The following GGA3 variants were observed in gnomAD, a reference collection of about 807,000 sequenced individuals.
GGA3 encodes ADP-ribosylation factor-binding protein GGA3.
GGA3 carries 57 observed loss-of-function variants against 77.5 expected under a neutral mutation model. The ratio of observed to expected loss-of-function variants is 0.74; its 90% confidence interval spans 0.59 to 0.92. The LOEUF (loss-of-function observed/expected upper bound fraction) is 0.92. Ranked by LOEUF, GGA3 falls within the 40% of genes least tolerant of loss-of-function variation. The probability of loss-of-function intolerance (pLI) is 0.00; values close to 1 mark genes in which losing one functional copy is unlikely to be tolerated. For missense variants in GGA3, 970 were observed against 914.9 expected (o/e 1.06, Z -0.78); for synonymous variants, 416 against 383.7 (o/e 1.08, Z -0.98).
chr17:75,246,574 C>T lies in GGA3; in HGVS notation c.136G>A (p.Ala46Thr), dbSNP rs202128078. The T allele has an allele frequency of 3.7e-6, 6 of 1,613,702 alleles. No individual in the cohort carries two copies. The highest frequency in any genetic ancestry group is 4.5e-5 in the East Asian group (2 of 44,876). Residue 46 changes from alanine (A) to threonine (T), a missense_variant, in exon 3 of 17, where the codon GCC becomes ACC. Transcript: ENST00000537686. ...INKELEGPQI[A>T]VRLLAHKIQS... The stretch of plus-strand genomic sequence containing the variant: ...ATCTTGTGGGCCAGCAGTCGGACGG[C>T]GATCTGTGGCCTGGGGGACAAGCAG...
intron 3 of GGA3, 117 bp from the exon 4 acceptor site, chr17:75,244,834 T>G: frequency 1.4e-6 from 1 of 715,440 alleles, no homozygotes. Flanking sequence ...AGGAAGGAGC[T>G]CATCACGAAA....
At position 75,237,136 on chromosome 17, in the gene GGA3, A is replaced by T; in HGVS notation, c.*1143T>A. 2.7e-6 allele frequency: 1 copy of T among 366,370 alleles called. No individual in the cohort carries two copies. Among genetic ancestry groups the T allele is most frequent in the Non-Finnish European group, 5.0e-6 (1 of 199,580 alleles). 22.7% of individuals were successfully genotyped at this position (366,370 alleles called of 1,614,324 possible). A position where few individuals can be genotyped will look rare whatever the true frequency, so the allele number is the denominator to read the frequency against. Reference sequence around the variant, plus strand: ...TCCCAGGATCACATCCAGCAGCTAGAGTGGCTGGGACAAGCTGGCGGGGGC... The same window carrying T: ...TCCCAGGATCACATCCAGCAGCTAGTGTGGCTGGGACAAGCTGGCGGGGGC... On this transcript the variant is annotated 3_prime_UTR_variant, in exon 17 of 17. Coordinates refer to ENST00000537686, the MANE Select transcript of GGA3 (RefSeq NM_138619.4).
chr17:75,258,873 G>A (rs2077245955), intron 1 of GGA3, among the ~76,000 whole-genome samples: 1 of 150,270 alleles, frequency 6.7e-6, no homozygotes, highest in South Asian at 2.1e-4. Context: ...AGCTCAAATG[G>A]AGTATCCTCA....
At chr17:75,240,465 T>C in intron 11 of GGA3, 53 bp from the exon 12 acceptor site, 1 of 1,212,972 alleles carries the variant, frequency 8.2e-7, no homozygotes, top group Non-Finnish European at 1.2e-6. Flanking sequence ...TAGGCAGCCC[T>C]AGCCCCGCCT....
intron 16 of GGA3, 54 bp from the exon 17 acceptor site, chr17:75,238,443 G>A (rs1021411141): frequency 1.2e-5 from 17 of 1,459,750 alleles, no homozygotes; most frequent in African/African-American, 9.7e-5. Flanking sequence ...TTGGCAGGAC[G>A]CCCTCTATTC....
intron 1 of GGA3, among the ~76,000 whole-genome samples, chr17:75,247,104 C>G (rs1478922810): frequency 6.6e-6 from 1 of 151,816 alleles, no homozygotes; most frequent in Non-Finnish European, 1.5e-5. Flanking sequence ...AAAATATTCC[C>G]AAAAAAATGC....
intron 1 of GGA3, among the ~76,000 whole-genome samples, chr17:75,252,393 T>G (rs1186032253): frequency 2.6e-5 from 4 of 152,156 alleles, no homozygotes; most frequent in Non-Finnish European, 5.9e-5. Flanking sequence ...TGTGGTCTAT[T>G]AAGTCACTAT....
intron 1 of GGA3, among the ~76,000 whole-genome samples, chr17:75,252,065 G>A (rs540176680): frequency 2.7e-4 from 39 of 146,060 alleles, no homozygotes; most frequent in Non-Finnish European, 4.4e-4. Context: ...AGTGCCTGGC[G>A]TCTTTCGTTT....
chr17:75,261,978 T>C (rs1314173730), upstream of GGA3: 3 of 1,591,738 alleles, frequency 1.9e-6, no homozygotes, highest in Non-Finnish European at 2.6e-6. Context: ...TCTTGCAGCT[T>C]CCAGGGTGAG....
Position 75,240,003 on chromosome 17 carries a change from A to G in GGA3, c.1369T>C (p.Ser457Pro), listed in dbSNP as rs1436911142. 8 of 1,553,818 alleles carry G rather than the reference A, an allele frequency of 5.1e-6. No individual in the cohort carries two copies. The highest frequency in any genetic ancestry group is 7.0e-6 in the Non-Finnish European group (8 of 1,149,284). Reference protein sequence around the residue: ...LQPSAPSSSSSQAPLPPPFPA... With the variant: ...LQPSAPSSSSPQAPLPPPFPA... ...AAGGGAGGCGGCAGTGGAGCTTGGG[A>G]GCTGCTTGAGGAGGGGGCTGAGGGC... is the stretch of plus-strand genomic sequence containing the variant. Residue 457 changes from serine to proline, a missense_variant, in exon 13 of 17, where the codon TCC becomes CCC. By Grantham distance (74) the Ser-to-Pro change is moderately conservative. Transcript: ENST00000537686.
rs543385178 is a variant in GGA3, at chr17:75,238,207, C to G, written c.*72G>C. On this transcript the variant is annotated 3_prime_UTR_variant, in exon 17 of 17. Coordinates refer to ENST00000537686, the MANE Select transcript of GGA3 (RefSeq NM_138619.4). ...ACTGTTGTCAGGGCATGGAGAGTGA[C>G]GGGACCAGAGCCCTCCTCGTCTCAG... The G allele has an allele frequency of 6.4e-7, 1 of 1,569,858 alleles. No homozygotes were observed. Among genetic ancestry groups the G allele is most frequent in the Non-Finnish European group, 8.7e-7 (1 of 1,156,054 alleles).
intron 12 of GGA3, 46 bp from the exon 13 acceptor site, chr17:75,240,154 G>GGGGGGGGC: frequency 6.4e-6 from 3 of 465,478 alleles, no homozygotes; most frequent in Non-Finnish European, 8.4e-6. Context: ...GGTGGGGAGG[G>GGGGGGGGC]CCTGCCGCTG....
intron 1 of GGA3, among the ~76,000 whole-genome samples, chr17:75,247,620 A>G (rs1025037397): frequency 1.3e-5 from 2 of 152,166 alleles, no homozygotes; most frequent in African/African-American, 4.8e-5. Context: ...ATAATGCTTT[A>G]AGTGTTTTTG....
At position 75,238,774 on chromosome 17, in the gene GGA3, G is replaced by C. The variant is rs377429198; in HGVS notation, c.1951-12C>G. ...TTCACTTTCATTGACTAAAGAGAGA[G>C]AAACTCCTTTGAAGAGAACTGGTAG... On this transcript the variant is annotated splice_polypyrimidine_tract_variant and intron_variant, in intron 15 of 16. Transcript: ENST00000537686. 1.2e-6 allele frequency: 2 copies of C among 1,603,972 alleles called. No homozygotes were observed. Among genetic ancestry groups the C allele is most frequent in the Non-Finnish European group, 1.7e-6 (2 of 1,172,044 alleles).
Position 75,239,379 on chromosome 17 carries a change from C to T in GGA3, c.1776G>A (p.Lys592=), listed in dbSNP as rs2076441073. The T allele has an allele frequency of 6.5e-7, 1 of 1,545,048 alleles. No homozygotes were observed. The highest frequency in any genetic ancestry group is 8.7e-7 in the Non-Finnish European group (1 of 1,152,248). ...ASIHVPLESI[K]PSSALPVTAY... is the part of the protein sequence containing the mutation. ...CCTCAATCCTCCAACACCTACTAGG[C>T]TTGATCGATTCCAGGGGCACGTGGA... The change falls in exon 14 of 17, where the codon AAG becomes AAA. Residue 592 remains lysine (K), a synonymous_variant. Transcript: ENST00000537686.
rs1227335578 is a variant in GGA3 at position 75,255,221 on chromosome 17, T to C, written c.40+6327A>G. On this transcript the variant is annotated intron_variant, in intron 1 of 16. Transcript: ENST00000537686. The stretch of plus-strand genomic sequence containing the variant: ...CTTGCCTCCATAACTGTTGTGGGTA[T>C]TGACAGCCAGGCTTCTAAACCTCTT... 2.6e-5 allele frequency among the ~76,000 whole-genome samples: 4 copies of C among 152,246 alleles called. No homozygotes were observed. In the Middle Eastern group the frequency reaches 0.01, roughly 388 times the overall value.
intron 1 of GGA3, among the ~76,000 whole-genome samples, chr17:75,258,999 G>T (rs377293978): frequency 1.3e-5 from 2 of 149,090 alleles, no homozygotes; most frequent in Non-Finnish European, 3.0e-5. Context: ...TGTCACCGAG[G>T]CTGGAGTGCA....
chr17:75,237,055 C>T lies in GGA3; in HGVS notation c.*1224G>A, dbSNP rs1469246999. 3 of 216,470 alleles carry T rather than the reference C, an allele frequency of 1.4e-5. No homozygotes were observed. The highest frequency in any genetic ancestry group is 2.2e-4 in the East Asian group (2 of 9,232). 13.4% of individuals were successfully genotyped at this position (216,470 alleles called of 1,614,324 possible). A position where few individuals can be genotyped will look rare whatever the true frequency, so the allele number is the denominator to read the frequency against. On this transcript the variant is annotated 3_prime_UTR_variant, in exon 17 of 17. Coordinates refer to ENST00000537686, the MANE Select transcript of GGA3 (RefSeq NM_138619.4). ...GTTCACCTGGGCTCCGCAAGCTTCCCCCGTGTCTATGGCAGCTGGTGATTT... is the reference window on the plus strand; with the variant it reads ...GTTCACCTGGGCTCCGCAAGCTTCCTCCGTGTCTATGGCAGCTGGTGATTT...
rs369883936 is a variant in GGA3, at chr17:75,240,338, C to T, written c.1263+4G>A. The T allele has an allele frequency of 1.5e-4, 237 of 1,583,314 alleles. No homozygotes were observed. The highest frequency in any genetic ancestry group is 1.9e-4 in the Non-Finnish European group (221 of 1,161,682). Reference sequence around the variant, plus strand: ...TAGTGCTGTCACCGATCCTGTGCCCCTACCTGGAGCAGGTGCCACTGGCTG... The same window carrying T: ...TAGTGCTGTCACCGATCCTGTGCCCTTACCTGGAGCAGGTGCCACTGGCTG... On this transcript the variant is annotated splice_donor_region_variant and intron_variant, in intron 12 of 16. Coordinates refer to ENST00000537686, the MANE Select transcript of GGA3 (RefSeq NM_138619.4).
Sources: allele counts gnomAD v4.1 joint callset (sites outside exome capture counted in the v4.1 genomes callset), GRCh38; gene constraint gnomAD v4.1.1; transcripts MANE v1.5; gene names NCBI Gene and HGNC (gene_info 2026-07-23, HGNC 2026-07-21).